Variants in FMNL2 observed in about 807,000 individuals in gnomAD.
FMNL2 encodes the protein formin-like protein 2.
Under a neutral mutation model 130.2 loss-of-function variants are expected in FMNL2, and 51 were observed. That is an observed-to-expected ratio of 0.39 (90% confidence interval 0.31 to 0.49). The LOEUF (loss-of-function observed/expected upper bound fraction) is 0.49, where lower values mean the gene tolerates loss of function less well. Ranked by LOEUF, FMNL2 falls within the 20% of genes least tolerant of loss-of-function variation. The pLI, the probability that FMNL2 is intolerant of heterozygous loss-of-function variation, is 0.85. For missense variants in FMNL2, 977 were observed against 1,316.2 expected (o/e 0.74, Z 3.99); for synonymous variants, 465 against 467.1 (o/e 1.00, Z 0.06).
At chr2:152,587,453 G>A (rs1032261307) in intron 9 of FMNL2, among the ~76,000 whole-genome samples, 3 of 152,128 alleles carry the variant, frequency 2.0e-5, no homozygotes, top group East Asian at 3.8e-4. Flanking sequence ...ATTGTTATTC[G>A]TCTTTCATTT....
Position 152,649,500 on chromosome 2 carries a change from A to T in FMNL2, c.*1595A>T, listed in dbSNP as rs912306310. On this transcript the variant is annotated 3_prime_UTR_variant, in exon 26 of 26. Coordinates refer to ENST00000288670, the MANE Select transcript of FMNL2 (RefSeq NM_052905.4). The stretch of plus-strand genomic sequence containing the variant: ...TGCCACCTGCGGGCACATTCCCATA[A>T]ATGTGTACTTTACTTTAAAAAGAAC... 17 of 152,514 alleles carry T rather than the reference A, an allele frequency of 1.1e-4. No individual in the cohort carries two copies. Among genetic ancestry groups the T allele is most frequent in the Non-Finnish European group, 2.2e-4 (15 of 68,024 alleles). 9.4% of individuals were successfully genotyped at this position (152,514 alleles called of 1,614,324 possible).
chr2:152,347,830 G>C (rs1372199557), intron 1 of FMNL2, among the ~76,000 whole-genome samples: 3 of 152,032 alleles, frequency 2.0e-5, no homozygotes, highest in African/African-American at 7.3e-5. Flanking sequence ...TCTCTGCTTT[G>C]TAACTCCTGT....
At chr2:152,451,566 C>T (rs1688653209) in intron 1 of FMNL2, among the ~76,000 whole-genome samples, 1 of 152,026 alleles carries the variant, frequency 6.6e-6, no homozygotes, top group African/African-American at 2.4e-5. Context: ...GACATAGGTA[C>T]TAATATCAGC....
At chr2:152,643,793 G>A in intron 25 of FMNL2, 1 of 985,432 alleles carries the variant, frequency 1.0e-6, no homozygotes, top group East Asian at 1.1e-4. Flanking sequence ...GAAATTTTCA[G>A]AAAAATAGAG....
intron 2 of FMNL2, among the ~76,000 whole-genome samples, chr2:152,524,791 CTT>C (rs896279194): frequency 3.3e-5 from 5 of 152,102 alleles, no homozygotes; most frequent in African/African-American, 1.2e-4. Context: ...GTTTAGAACT[CTT>C]AGCACAGTGG....
intron 1 of FMNL2, among the ~76,000 whole-genome samples, chr2:152,347,411 T>G (rs560187171): frequency 6.6e-6 from 1 of 152,344 alleles, no homozygotes; most frequent in East Asian, 1.9e-4. Context: ...ATTTTCTTGT[T>G]GCTTTTAGTT....
At chr2:152,620,951 C>A in intron 15 of FMNL2, 1 of 985,434 alleles carries the variant, frequency 1.0e-6, no homozygotes, top group South Asian at 4.7e-5. Context: ...CCGTCTACCA[C>A]TTTCTTCTAG....
intron 1 of FMNL2, among the ~76,000 whole-genome samples, chr2:152,458,585 G>A (rs1271758749): frequency 2.0e-5 from 3 of 152,160 alleles, no homozygotes; most frequent in Non-Finnish European, 4.4e-5. Flanking sequence ...ACTTTCACAA[G>A]AATGCATTTG....
intron 21 of FMNL2, among the ~76,000 whole-genome samples, chr2:152,633,094 CTCT>C (rs949119365): frequency 6.6e-5 from 10 of 151,532 alleles, no homozygotes; most frequent in South Asian, 2.1e-4. Flanking sequence ...GCAATCTGTG[CTCT>C]TCTTTTTTTT....
intron 1 of FMNL2, among the ~76,000 whole-genome samples, chr2:152,429,808 G>A (rs145857284): frequency 2.8e-4 from 43 of 152,250 alleles, no homozygotes; most frequent in African/African-American, 9.6e-4. Context: ...GTTACACTAA[G>A]CAGTCGAAAT....
intron 1 of FMNL2, among the ~76,000 whole-genome samples, chr2:152,361,320 TC>T (rs1560297894): frequency 2.0e-5 from 3 of 152,196 alleles, no homozygotes. Context: ...CTTGAAAACT[TC>T]CAGTAAAATA....
At chr2:152,478,892 A>G (rs1327780653) in intron 1 of FMNL2, among the ~76,000 whole-genome samples, 3 of 152,202 alleles carry the variant, frequency 2.0e-5, no homozygotes, top group African/African-American at 7.2e-5. Context: ...TCAAATAAGT[A>G]TATTAAAACT....
intron 1 of FMNL2, among the ~76,000 whole-genome samples, chr2:152,464,591 A>T (rs1207721359): frequency 1.3e-5 from 2 of 152,116 alleles, no homozygotes; most frequent in African/African-American, 2.4e-5. Context: ...TGTAATTTCC[A>T]TTTCACTGTC....
intron 1 of FMNL2, among the ~76,000 whole-genome samples, chr2:152,511,431 C>G (rs1036890296): frequency 6.6e-6 from 1 of 152,142 alleles, no homozygotes; most frequent in African/African-American, 2.4e-5. Flanking sequence ...AGCAAGTCTA[C>G]CTTTGAAGTT....
intron 20 of FMNL2, among the ~76,000 whole-genome samples, chr2:152,631,726 T>C (rs944055961): frequency 1.3e-5 from 2 of 152,166 alleles, no homozygotes; most frequent in African/African-American, 4.8e-5. Context: ...TGTGGGTAAA[T>C]AGGAACTACT....
At chr2:152,591,464 A>G (rs1247130416) in intron 9 of FMNL2, among the ~76,000 whole-genome samples, 1 of 152,232 alleles carries the variant, frequency 6.6e-6, no homozygotes, top group African/African-American at 2.4e-5. Context: ...GAGCAAATAT[A>G]CTTTTTACAG....
At chr2:152,543,247 T>C (rs973042048) in intron 3 of FMNL2, among the ~76,000 whole-genome samples, 2 of 152,188 alleles carry the variant, frequency 1.3e-5, no homozygotes, top group Non-Finnish European at 2.9e-5. Context: ...GTGTTGATGC[T>C]TTTAGCAGCT....
Position 152,636,492 on chromosome 2 carries a change from G to A in FMNL2, c.2746G>A (p.Glu916Lys). The change falls in exon 22 of 26, where the codon GAG (glutamate) becomes AAG (lysine). Residue 916 changes from glutamate to lysine, a missense_variant. Physicochemically the swap from Glu to Lys is moderately conservative, Grantham distance 56. Around this residue, in one of 4 missense-constraint regions of FMNL2, gnomAD observed 689 missense variants for 995.9 expected, o/e 0.69. Transcript: ENST00000288670. ...GAGGGGAATGGACTTGACCAAGAGA[G>A]AGTACACCATGCATGACCATAACAC... ...LQRGMDLTKREYTMHDHNTLL... is the reference protein window; with the variant it reads ...LQRGMDLTKRKYTMHDHNTLL... 1 of 1,611,086 alleles carries A rather than the reference G, an allele frequency of 6.2e-7. No homozygotes were observed. Among genetic ancestry groups the A allele is most frequent in the Non-Finnish European group, 8.5e-7 (1 of 1,178,542 alleles).
rs1403391310 is a variant in FMNL2, at chr2:152,503,172, AT to A, written c.118-18766del. Among the ~76,000 whole-genome samples the A allele has an allele frequency of 2.6e-5, 4 of 152,270 alleles. No homozygotes were observed. In the East Asian group the frequency reaches 7.7e-4, roughly 29 times the overall value. ...TAGGCGTAGGGACCACTGCAGTGGGATTTTTGCAGTGAGGGAGAGAGATTGA... is the reference window on the plus strand; with the variant it reads ...TAGGCGTAGGGACCACTGCAGTGGGATTTTGCAGTGAGGGAGAGAGATTGA... On this transcript the variant is annotated intron_variant, in intron 1 of 25. Coordinates refer to ENST00000288670, the MANE Select transcript of FMNL2 (RefSeq NM_052905.4).
Sources: gnomAD v4.1 joint callset for allele counts (sites outside exome capture counted in the v4.1 genomes callset) on GRCh38, gnomAD v4.1.1 for gene constraint, gnomAD v4.1.1 regional missense constraint, MANE v1.5 for transcripts, NCBI Gene and HGNC (gene_info 2026-07-23, HGNC 2026-07-21) for gene names.